Variants in KHDRBS3 observed in about 807,000 individuals in gnomAD.
KHDRBS3 encodes the protein KH domain-containing, RNA-binding, signal transduction-associated protein 3.
Under a neutral mutation model 45.6 loss-of-function variants are expected in KHDRBS3, and 23 were observed. That is an observed-to-expected ratio of 0.50 (90% CI 0.36 to 0.72). The LOEUF is 0.72. Ranked by LOEUF, KHDRBS3 falls within the 30% of genes least tolerant of loss-of-function variation. The pLI is 0.00. For synonymous variants in KHDRBS3, 162 were observed against 156.5 expected (o/e 1.04, Z -0.26); for missense variants, 352 against 424.8 (o/e 0.83, Z 1.51).
intron 5 of KHDRBS3, among the ~76,000 whole-genome samples, chr8:135,566,880 A>G (rs1827445787): frequency 6.6e-6 from 1 of 152,200 alleles, no homozygotes; most frequent in Non-Finnish European, 1.5e-5. Flanking sequence ...CATCAATTGT[A>G]CTTAATCCAG....
intron 1 of KHDRBS3, among the ~76,000 whole-genome samples, chr8:135,469,592 G>A (rs1586559350): frequency 1.4e-5 from 2 of 144,760 alleles, no homozygotes; most frequent in Non-Finnish European, 3.0e-5. Flanking sequence ...GCAATGGCGC[G>A]GTCTTGGCTC....
chr8:135,561,822 C>T (rs1321032603), intron 5 of KHDRBS3, among the ~76,000 whole-genome samples: 6 of 151,800 alleles, frequency 4.0e-5, no homozygotes, highest in East Asian at 1.9e-4. Context: ...GGCTAATGTG[C>T]GTTTGTATCT....
At chr8:135,507,409 C>G (rs1824058380) in intron 1 of KHDRBS3, among the ~76,000 whole-genome samples, 1 of 152,158 alleles carries the variant, frequency 6.6e-6, no homozygotes, top group Non-Finnish European at 1.5e-5. Flanking sequence ...ATATTCAGCC[C>G]TAAAGTAGAT....
At chr8:135,476,704 G>A (rs1822308086) in intron 1 of KHDRBS3, among the ~76,000 whole-genome samples, 1 of 152,196 alleles carries the variant, frequency 6.6e-6, no homozygotes, top group South Asian at 2.1e-4. Context: ...TATGTAGTAT[G>A]TAGTAGAGCA....
At chr8:135,503,408 T>C (rs1248750729) in intron 1 of KHDRBS3, among the ~76,000 whole-genome samples, 1 of 152,174 alleles carries the variant, frequency 6.6e-6, no homozygotes, top group Non-Finnish European at 1.5e-5. Flanking sequence ...GGCCTAACTC[T>C]GTAGCCTTGG....
Position 135,581,868 on chromosome 8 carries a change from T to A in KHDRBS3, c.612-10T>A. 1 of 1,563,852 alleles carries A rather than the reference T, an allele frequency of 6.4e-7. No individual in the cohort carries two copies. Among genetic ancestry groups the A allele is most frequent in the Non-Finnish European group, 8.7e-7 (1 of 1,149,224 alleles). On this transcript the variant is annotated splice_polypyrimidine_tract_variant and intron_variant, in intron 5 of 8. Coordinates refer to ENST00000355849, the MANE Select transcript of KHDRBS3 (RefSeq NM_006558.3). ...GATAGATACTGCTAATTTGACTCTC[T>A]TGGTTACAGGGGAAGGGGAGGAGTT...
In KHDRBS3 at chr8:135,647,603, G is replaced by GA. The variant is rs1831347500; in HGVS notation, c.*522dup. On this transcript the variant is annotated 3_prime_UTR_variant, in exon 9 of 9. Coordinates refer to ENST00000355849, the MANE Select transcript of KHDRBS3 (RefSeq NM_006558.3). ...CTTGCTTGATACTAAATAAACTTTT[G>GA]AAAGAAATTTTGTGTGTGTGAGCTA... The GA allele has an allele frequency of 6.6e-6, 1 of 152,544 alleles. No homozygotes were observed. The highest frequency in any genetic ancestry group is 1.9e-4 in the East Asian group (1 of 5,172). 9.4% of individuals were successfully genotyped at this position (152,544 alleles called of 1,614,324 possible). A position where few individuals can be genotyped will look rare whatever the true frequency, so the allele number is the denominator to read the frequency against.
intron 1 of KHDRBS3, among the ~76,000 whole-genome samples, chr8:135,514,783 C>G (rs75038730): frequency 6.6e-6 from 1 of 152,160 alleles, no homozygotes; most frequent in Non-Finnish European, 1.5e-5. Flanking sequence ...TATTAGCTCT[C>G]TAACCTTTGC....
chr8:135,628,208 A>G (rs543483671), intron 7 of KHDRBS3, among the ~76,000 whole-genome samples: 12 of 152,134 alleles, frequency 7.9e-5, no homozygotes, highest in African/African-American at 2.9e-4. Flanking sequence ...TCTCGGTATC[A>G]TCATGTTCCA....
At chr8:135,521,804 A>G (rs1289036114) in intron 2 of KHDRBS3, among the ~76,000 whole-genome samples, 4 of 152,048 alleles carry the variant, frequency 2.6e-5, no homozygotes, top group Non-Finnish European at 4.4e-5. Flanking sequence ...TTAGTAGTTC[A>G]TTTCTTTTTA....
chr8:135,478,794 A>G (rs958476384), intron 1 of KHDRBS3, among the ~76,000 whole-genome samples: 1 of 152,230 alleles, frequency 6.6e-6, no homozygotes, highest in Non-Finnish European at 1.5e-5. Context: ...TGAAGACACT[A>G]CATGTCAAAA....
intron 5 of KHDRBS3, among the ~76,000 whole-genome samples, chr8:135,573,799 G>C (rs998062295): frequency 1.3e-5 from 2 of 151,884 alleles, no homozygotes; most frequent in African/African-American, 4.8e-5. Flanking sequence ...AGCCTTCCTG[G>C]ATTTTTTTCA....
At chr8:135,528,760 C>A (rs1435044130) in intron 2 of KHDRBS3, among the ~76,000 whole-genome samples, 1 of 152,130 alleles carries the variant, frequency 6.6e-6, no homozygotes, top group Non-Finnish European at 1.5e-5. Context: ...TGGTGGGGGC[C>A]CTCTTGCTGC....
At chr8:135,626,605 C>A (rs1453841165) in intron 7 of KHDRBS3, among the ~76,000 whole-genome samples, 2 of 152,032 alleles carry the variant, frequency 1.3e-5, no homozygotes, top group Non-Finnish European at 2.9e-5. Flanking sequence ...AGATCGAGAC[C>A]ATCTTGGCTA....
chr8:135,466,870 C>T (rs1401049595), intron 1 of KHDRBS3, among the ~76,000 whole-genome samples: 2 of 152,178 alleles, frequency 1.3e-5, no homozygotes, highest in Admixed American at 1.3e-4. Flanking sequence ...GCTGAGTTGA[C>T]CTGTGTGTTC....
downstream of KHDRBS3, chr8:135,648,038 T>A (rs920170564): frequency 6.6e-6 from 1 of 152,228 alleles, no homozygotes; most frequent in African/African-American, 2.4e-5. Context: ...ACAAAGCTTT[T>A]AAAGACTTTC....
intron 2 of KHDRBS3, among the ~76,000 whole-genome samples, chr8:135,526,592 C>T (rs113538592): frequency 2.6e-4 from 40 of 152,126 alleles, no homozygotes; most frequent in African/African-American, 8.9e-4. Flanking sequence ...CTGGAGGAAA[C>T]GAAATAGCTG....
intron 7 of KHDRBS3, among the ~76,000 whole-genome samples, chr8:135,631,237 C>T (rs545961996): frequency 4.5e-5 from 5 of 111,662 alleles, no homozygotes; most frequent in South Asian, 3.2e-4. Flanking sequence ...GGCAACAGAG[C>T]GAGACTCCGT....
At chr8:135,644,483 G>T (rs1316577171) in intron 7 of KHDRBS3, among the ~76,000 whole-genome samples, 1 of 152,222 alleles carries the variant, frequency 6.6e-6, no homozygotes, top group Non-Finnish European at 1.5e-5. Flanking sequence ...GCCGGTCAAA[G>T]AAAACATTTC....
Sources: allele counts gnomAD v4.1 joint callset (sites outside exome capture counted in the v4.1 genomes callset), GRCh38; gene constraint gnomAD v4.1.1; transcripts MANE v1.5; gene names NCBI Gene and HGNC (gene_info 2026-07-23, HGNC 2026-07-21).